RNF4: variants seen among roughly 807,000 people sequenced by gnomAD.
RNF4 encodes ring finger protein 4.
A neutral mutation model predicts 24.3 loss-of-function variants in RNF4; 7 were observed. That is an observed-to-expected ratio of 0.29 (90% CI 0.16 to 0.54). The LOEUF (loss-of-function observed/expected upper bound fraction) is 0.54. Ranked by LOEUF, RNF4 falls within the 20% of genes least tolerant of loss-of-function variation. The pLI, the probability that RNF4 is intolerant of heterozygous loss-of-function variation, is 0.95. For synonymous variants in RNF4, 83 were observed against 84.3 expected, an observed-to-expected ratio of 0.98 and a Z score of 0.09; for missense variants, 209 against 248.5, an observed-to-expected ratio of 0.84 and a Z score of 1.07.
intron 1 of RNF4, among the ~76,000 whole-genome samples, chr4:2,479,493 A>G (rs550126918): frequency 2.6e-5 from 4 of 152,156 alleles, no homozygotes; most frequent in African/African-American, 9.6e-5. Flanking sequence ...GGTCTTTCCC[A>G]TGTTCTGGTG....
At chr4:2,503,316 C>T (rs1339439321) in intron 4 of RNF4, among the ~76,000 whole-genome samples, 1 of 152,128 alleles carries the variant, frequency 6.6e-6, no homozygotes, top group Non-Finnish European at 1.5e-5. Context: ...TCTGGTTAAC[C>T]TTTATAAGAT....
At chr4:2,497,233 C>G (rs1735765411) in intron 3 of RNF4, 112 bp downstream of exon 3, 1 of 671,006 alleles carries the variant, frequency 1.5e-6, no homozygotes, top group Non-Finnish European at 2.6e-6. Context: ...CCTATGCAGT[C>G]TCACACTCAC....
intron 1 of RNF4, among the ~76,000 whole-genome samples, chr4:2,479,242 T>C (rs1425504406): frequency 6.6e-6 from 1 of 152,220 alleles, no homozygotes; most frequent in Non-Finnish European, 1.5e-5. Context: ...ATTTACAGGC[T>C]CATAGGTGGA....
At chr4:2,488,992 T>C (rs893426996) in intron 1 of RNF4, among the ~76,000 whole-genome samples, 1 of 152,028 alleles carries the variant, frequency 6.6e-6, no homozygotes, top group African/African-American at 2.4e-5. Flanking sequence ...TTGTATTTTC[T>C]AGTAGAGACG....
intron 2 of RNF4, among the ~76,000 whole-genome samples, chr4:2,493,369 C>A (rs1007709903): frequency 4.6e-5 from 7 of 151,892 alleles, no homozygotes; most frequent in African/African-American, 1.5e-4. Context: ...TGTAATTATC[C>A]GTGAGGGGAG....
At position 2,513,154 on chromosome 4, in the gene RNF4, TC is replaced by T. The variant is rs780826733; in HGVS notation, c.423+25del. 3 of 1,610,338 alleles carry T rather than the reference TC, an allele frequency of 1.9e-6. No homozygotes were observed. In the South Asian group the frequency reaches 3.3e-5, roughly 18 times the overall value. On this transcript the variant is annotated intron_variant, in intron 7 of 7. Transcript: ENST00000314289. ...GAGGTAAGTAAACCAAGCTGTATCT[TC>T]CAGGCTTCTGGTTTCTAAACTTCAC...
intron 2 of RNF4, among the ~76,000 whole-genome samples, chr4:2,493,287 A>G (rs1735635465): frequency 6.6e-6 from 1 of 152,136 alleles, no homozygotes; most frequent in African/African-American, 2.4e-5. Flanking sequence ...AGCTCTGGTT[A>G]AAGGCATGGA....
intron 3 of RNF4, among the ~76,000 whole-genome samples, chr4:2,498,181 G>A: frequency 6.6e-6 from 1 of 152,160 alleles, no homozygotes; most frequent in Admixed American, 6.5e-5. Flanking sequence ...TTAGAGCACT[G>A]TTTTGTTTTT....
chr4:2,484,926 A>G (rs1735360823), intron 1 of RNF4, among the ~76,000 whole-genome samples: 1 of 151,994 alleles, frequency 6.6e-6, no homozygotes, highest in Admixed American at 6.6e-5. Flanking sequence ...AGATCTCAAC[A>G]TGTCATCTCT....
intron 3 of RNF4, 82 bp downstream of exon 3, chr4:2,497,203 C>T: frequency 1.0e-6 from 1 of 981,894 alleles, no homozygotes; most frequent in Middle Eastern, 2.1e-4. Context: ...GTAGAAGGTG[C>T]TTTCAGTGTC....
chr4:2,503,521 A>T (rs1735978847), intron 4 of RNF4, among the ~76,000 whole-genome samples: 1 of 152,328 alleles, frequency 6.6e-6, no homozygotes, highest in African/African-American at 2.4e-5. Context: ...CACTGTCCTC[A>T]GTGTTGTCAG....
chr4:2,480,663 G>A (rs1002272107), intron 1 of RNF4: 1 of 152,184 alleles, frequency 6.6e-6, no homozygotes, highest in African/African-American at 2.4e-5. Flanking sequence ...TATTTGATAA[G>A]TTATGTTTCT....
intron 4 of RNF4, among the ~76,000 whole-genome samples, chr4:2,508,250 C>T (rs1736160460): frequency 6.6e-6 from 1 of 152,150 alleles, no homozygotes; most frequent in Non-Finnish European, 1.5e-5. Context: ...TTTGGTTTTT[C>T]ACTTATCTTA....
chr4:2,500,991 T>C (rs1490141126), intron 4 of RNF4, among the ~76,000 whole-genome samples: 1 of 152,252 alleles, frequency 6.6e-6, no homozygotes, highest in Non-Finnish European at 1.5e-5. Flanking sequence ...TATAGCCTTG[T>C]CGCCTATGGA....
intron 3 of RNF4, among the ~76,000 whole-genome samples, chr4:2,499,644 C>T (rs549983735): frequency 1.3e-5 from 2 of 152,116 alleles, no homozygotes; most frequent in South Asian, 4.2e-4. Flanking sequence ...TCATTTTTTA[C>T]TTTATATAAA....
chr4:2,509,631 T>G (rs1453062707), intron 4 of RNF4, among the ~76,000 whole-genome samples: 1 of 152,186 alleles, frequency 6.6e-6, no homozygotes, highest in Non-Finnish European at 1.5e-5. Context: ...CCTGTTCTTA[T>G]GCACCCCAGT....
chr4:2,488,051 C>T (rs1364266696), intron 1 of RNF4, among the ~76,000 whole-genome samples: 1 of 152,200 alleles, frequency 6.6e-6, no homozygotes, highest in Non-Finnish European at 1.5e-5. Context: ...CTGCCAGCAC[C>T]CTCCTCACCC....
chr4:2,493,791 A>G (rs569843007), intron 2 of RNF4, among the ~76,000 whole-genome samples: 6 of 151,178 alleles, frequency 4.0e-5, no homozygotes, highest in Non-Finnish European at 7.4e-5. Context: ...GAAGGAGCCT[A>G]TACGAGGACA....
chr4:2,481,487 G>T (rs1325371209), intron 1 of RNF4, among the ~76,000 whole-genome samples: 1 of 152,140 alleles, frequency 6.6e-6, no homozygotes, highest in Non-Finnish European at 1.5e-5. Flanking sequence ...TTTGACCTAT[G>T]TTCTGTAGGC....
Sources: gnomAD v4.1 joint callset for allele counts (sites outside exome capture counted in the v4.1 genomes callset) on GRCh38, gnomAD v4.1.1 for gene constraint, MANE v1.5 for transcripts, NCBI Gene and HGNC (gene_info 2026-07-23, HGNC 2026-07-21) for gene names.